HERC3: variants seen among roughly 807,000 people sequenced by gnomAD.
The protein encoded by HERC3 is HECT and RLD domain containing E3 ubiquitin protein ligase 3.
HERC3 carries 58 observed loss-of-function variants against 129.9 expected under a neutral mutation model. That is an observed-to-expected ratio of 0.45 (90% CI 0.36 to 0.56). HERC3 has a LOEUF of 0.56. HERC3 is among the 20% of genes least tolerant of loss of function. The probability of loss-of-function intolerance (pLI) is 0.00; values close to 1 mark genes in which losing one functional copy is unlikely to be tolerated. For missense variants in HERC3, 835 were observed against 1,244.2 expected, an observed-to-expected ratio of 0.67 and a Z score of 4.95; for synonymous variants, 430 against 451.0, an observed-to-expected ratio of 0.95 and a Z score of 0.59.
At chr4:88,652,436 A>G (rs901078383) in intron 5 of HERC3, among the ~76,000 whole-genome samples, 5 of 152,188 alleles carry the variant, frequency 3.3e-5, no homozygotes, top group African/African-American at 7.2e-5. Flanking sequence ...TGAATGAAAA[A>G]GAAGGAGTTG....
intron 23 of HERC3, among the ~76,000 whole-genome samples, chr4:88,689,247 G>A (rs553210497): frequency 6.6e-6 from 1 of 151,784 alleles, no homozygotes; most frequent in Non-Finnish European, 1.5e-5. Flanking sequence ...GCTCATGCCT[G>A]TAATTCCAGA....
Position 88,708,357 on chromosome 4 carries a change from G to A in HERC3, c.*1397G>A, listed in dbSNP as rs979212070. On this transcript the variant is annotated 3_prime_UTR_variant, in exon 26 of 26. Coordinates refer to ENST00000402738, the MANE Select transcript of HERC3 (RefSeq NM_014606.3). ...TGATAAAGCATCAAATCTTGATGAA[G>A]GATTGTAGATTTTTGCTTTTTCTTT... The A allele has an allele frequency of 6.6e-6, 1 of 152,398 alleles. No individual in the cohort carries two copies. The highest frequency in any genetic ancestry group is 6.5e-5 in the Admixed American group (1 of 15,268). 9.4% of individuals were successfully genotyped at this position (152,398 alleles called of 1,614,324 possible).
At chr4:88,628,243 C>T (rs1726346312) in intron 3 of HERC3, among the ~76,000 whole-genome samples, 2 of 152,158 alleles carry the variant, frequency 1.3e-5, no homozygotes, top group African/African-American at 4.8e-5. Flanking sequence ...AGTACTTACA[C>T]ATTTAAGGTT....
chr4:88,529,506 A>G, the HERC3 span, among the ~76,000 whole-genome samples: 1 of 152,196 alleles, frequency 6.6e-6, no homozygotes, highest in Admixed American at 6.5e-5. Flanking sequence ...CCGTAATCCC[A>G]GCACTTTGGG....
At chr4:88,697,242 A>C in intron 23 of HERC3, 1 of 1,537,228 alleles carries the variant, frequency 6.5e-7, no homozygotes, top group Non-Finnish European at 8.7e-7. Flanking sequence ...CGGCGTGGGC[A>C]TCGTCATGTT....
intron 3 of HERC3, among the ~76,000 whole-genome samples, chr4:88,623,705 T>A (rs898114325): frequency 6.6e-6 from 1 of 152,234 alleles, no homozygotes; most frequent in African/African-American, 2.4e-5. Flanking sequence ...CACATGTTAT[T>A]TATCTTTTCA....
At chr4:88,570,491 C>A in the HERC3 span, among the ~76,000 whole-genome samples, 1 of 152,082 alleles carries the variant, frequency 6.6e-6, no homozygotes, top group Non-Finnish European at 1.5e-5. Context: ...TCCTGCCTTC[C>A]CCTGTTTTTG....
Position 88,656,133 on chromosome 4 carries a change from G to A in HERC3, c.1069+98G>A, listed in dbSNP as rs1729869992. The A allele has an allele frequency of 6.0e-6, 7 of 1,170,902 alleles. No individual in the cohort carries two copies. In the South Asian group the frequency reaches 1.0e-4, roughly 17 times the overall value. 72.5% of individuals were successfully genotyped at this position (1,170,902 alleles called of 1,614,324 possible). A position where few individuals can be genotyped will look rare whatever the true frequency, so the allele number is the denominator to read the frequency against. On this transcript the variant is annotated intron_variant, in intron 9 of 25. Coordinates refer to ENST00000402738, the MANE Select transcript of HERC3 (RefSeq NM_014606.3). ...ATTACTTACTTTGAGGTCTTTTGGA[G>A]GGAATGAAGATAAGGTATTTTTTAA...
chr4:88,637,796 A>T (rs943874690), intron 3 of HERC3, among the ~76,000 whole-genome samples: 6 of 152,224 alleles, frequency 3.9e-5, no homozygotes, highest in Admixed American at 1.3e-4. Flanking sequence ...TCAAAAAATC[A>T]TTGAATCCAG....
chr4:88,661,562 C>T (rs1730491473), intron 10 of HERC3, among the ~76,000 whole-genome samples: 1 of 152,134 alleles, frequency 6.6e-6, no homozygotes, highest in African/African-American at 2.4e-5. Flanking sequence ...GAGTATAAAG[C>T]ACCATCAACC....
chr4:88,557,986 A>G, the HERC3 span, among the ~76,000 whole-genome samples: 7,018 of 149,454 alleles, frequency 0.047, 400 homozygotes, highest in East Asian at 0.28. Context: ...CAGGAGCATC[A>G]CTTGAACCCA....
At chr4:88,688,403 G>T (rs930660932) in intron 23 of HERC3, among the ~76,000 whole-genome samples, 8 of 152,070 alleles carry the variant, frequency 5.3e-5, no homozygotes, top group African/African-American at 1.9e-4. Flanking sequence ...CCGTGTGCAG[G>T]GATACCCATT....
chr4:88,605,713 A>T (rs3775418), intron 2 of HERC3, 82 bp from the exon 3 acceptor site: 116,354 of 744,290 alleles, frequency 0.16, 18,968 homozygotes, highest in African/African-American at 0.65. Context: ...GGTTATTTTT[A>T]AAATTGGTTA....
intron 5 of HERC3, among the ~76,000 whole-genome samples, chr4:88,652,591 A>G (rs1307916461): frequency 6.6e-6 from 1 of 152,150 alleles, no homozygotes; most frequent in African/African-American, 2.4e-5. Context: ...AAGCCTGGTA[A>G]TTGGCCTGTC....
the HERC3 span, among the ~76,000 whole-genome samples, chr4:88,568,224 C>T: frequency 2.6e-5 from 4 of 152,326 alleles, no homozygotes; most frequent in Admixed American, 6.5e-5. Flanking sequence ...CTGGATCAGA[C>T]CTGAAGCCAG....
At chr4:88,615,227 G>C (rs3775417) in intron 3 of HERC3, among the ~76,000 whole-genome samples, 12,450 of 150,764 alleles carry the variant, frequency 0.083, 731 homozygotes, top group South Asian at 0.24. Context: ...ATTTCATCTA[G>C]GTTGGTGATC....
chr4:88,531,959 C>A, the HERC3 span, among the ~76,000 whole-genome samples: 2 of 152,134 alleles, frequency 1.3e-5, no homozygotes, highest in African/African-American at 2.4e-5. Flanking sequence ...CCAGAAGCAG[C>A]CCCCTGTTTC....
At chr4:88,606,680 G>A (rs1240514566) in intron 3 of HERC3, among the ~76,000 whole-genome samples, 1 of 152,140 alleles carries the variant, frequency 6.6e-6, no homozygotes, top group Non-Finnish European at 1.5e-5. Context: ...AGAGAAGAGA[G>A]CTTGTGCAGG....
intron 10 of HERC3, among the ~76,000 whole-genome samples, chr4:88,660,039 T>C (rs1217089848): frequency 6.6e-6 from 1 of 152,194 alleles, no homozygotes; most frequent in Non-Finnish European, 1.5e-5. Context: ...TAAACATTAC[T>C]TAAGAAGATG....
Sources: allele counts gnomAD v4.1 joint callset (sites outside exome capture counted in the v4.1 genomes callset), GRCh38; gene constraint gnomAD v4.1.1; transcripts MANE v1.5; gene names NCBI Gene and HGNC (gene_info 2026-07-23, HGNC 2026-07-21).